The following SLC25A21 variants were observed in gnomAD, a reference collection of about 807,000 sequenced individuals.
SLC25A21 encodes solute carrier family 25 member 21.
A neutral mutation model predicts 43.8 loss-of-function variants in SLC25A21; 47 were observed. The ratio of observed to expected loss-of-function variants is 1.07; its 90% CI spans 0.85 to 1.37. The LOEUF is 1.37. SLC25A21 is among the 40% of genes most tolerant of loss of function. The pLI is 0.00. For synonymous variants in SLC25A21, 131 were observed against 121.3 expected (o/e 1.08, Z -0.52); for missense variants, 352 against 350.2 (o/e 1.00, Z -0.04).
intron 1 of SLC25A21, among the ~76,000 whole-genome samples, chr14:37,092,258 T>C (rs1425144291): frequency 6.6e-6 from 1 of 152,216 alleles, no homozygotes; most frequent in Non-Finnish European, 1.5e-5. Context: ...AATATGTTCC[T>C]TTTCTTTAGC....
chr14:36,766,444 C>T (rs897453097), intron 3 of SLC25A21, among the ~76,000 whole-genome samples: 10 of 152,172 alleles, frequency 6.6e-5, no homozygotes, highest in African/African-American at 2.4e-4. Context: ...TAATCCTGGT[C>T]AGATTTCTCT....
intron 1 of SLC25A21, among the ~76,000 whole-genome samples, chr14:36,995,189 T>C (rs1174991172): frequency 1.3e-5 from 2 of 152,184 alleles, no homozygotes; most frequent in African/African-American, 4.8e-5. Context: ...CTGGCAAATC[T>C]TAGGATCATC....
At chr14:37,049,764 A>C in intron 1 of SLC25A21, among the ~76,000 whole-genome samples, 1 of 152,348 alleles carries the variant, frequency 6.6e-6, no homozygotes, top group African/African-American at 2.4e-5. Context: ...TATTTTATTT[A>C]ATGTAATGTA....
In SLC25A21 at chr14:36,882,099, C is replaced by T. The variant is rs536566674; in HGVS notation, c.71-7095G>A. On this transcript the variant is annotated intron_variant, in intron 1 of 9. Coordinates refer to ENST00000331299, the MANE Select transcript of SLC25A21 (RefSeq NM_030631.4). ...CACATATATCAAGAATAGCATATAT[C>T]TGGCTGGGCATGGTGGCTCACACCT... Among the ~76,000 whole-genome samples the T allele has an allele frequency of 1.5e-4, 23 of 152,170 alleles. No individual in the cohort carries two copies. The South Asian group carries it at 4.6e-3, about 30-fold the overall frequency.
rs968146470 is a variant in SLC25A21, at chr14:36,790,026, T to C, written c.203+23892A>G. On this transcript the variant is annotated intron_variant, in intron 3 of 9. Coordinates refer to ENST00000331299, the MANE Select transcript of SLC25A21 (RefSeq NM_030631.4). ...GGAGAAGAGTACTTCAGCTAAATAGTTGATAAAAAGAGAAAGGTATGCATA... is the reference window on the plus strand; with the variant it reads ...GGAGAAGAGTACTTCAGCTAAATAGCTGATAAAAAGAGAAAGGTATGCATA... Among the ~76,000 whole-genome samples, 8 of 143,338 alleles carry C rather than the reference T, an allele frequency of 5.6e-5. No homozygotes were observed. The East Asian group carries it at 7.9e-4, about 14-fold the overall frequency. 94.0% of individuals were successfully genotyped at this position (143,338 alleles called of 152,430 possible).
chr14:36,846,364 A>T (rs1345169298), intron 2 of SLC25A21, among the ~76,000 whole-genome samples: 1 of 152,092 alleles, frequency 6.6e-6, no homozygotes, highest in Non-Finnish European at 1.5e-5. Context: ...CATCATTTCC[A>T]TTATTCAGAT....
intron 1 of SLC25A21, among the ~76,000 whole-genome samples, chr14:36,891,421 T>C (rs548387601): frequency 1.2e-4 from 19 of 152,300 alleles, no homozygotes; most frequent in African/African-American, 4.1e-4. Flanking sequence ...AGCTACCAGG[T>C]AATTTTTGAA....
intron 1 of SLC25A21, among the ~76,000 whole-genome samples, chr14:37,119,408 G>A (rs1963164504): frequency 6.6e-6 from 1 of 151,996 alleles, no homozygotes; most frequent in Non-Finnish European, 1.5e-5. Context: ...AATTATCCAG[G>A]CGTGGTGGTG....
At chr14:36,762,182 G>C (rs1386918115) in intron 3 of SLC25A21, among the ~76,000 whole-genome samples, 1 of 152,194 alleles carries the variant, frequency 6.6e-6, no homozygotes, top group Non-Finnish European at 1.5e-5. Context: ...TCAGAAAATT[G>C]TATCTCAACA....
chr14:36,811,288 AG>A (rs1293670135), intron 3 of SLC25A21, among the ~76,000 whole-genome samples: 2 of 152,230 alleles, frequency 1.3e-5, no homozygotes, highest in African/African-American at 4.8e-5. Context: ...TGAGTGGAAC[AG>A]AATAGGAAAT....
rs533035673 is a variant in SLC25A21, at chr14:36,897,429, C to T, written c.71-22425G>A. Reference sequence around the variant, plus strand: ...TCTCTGCATTGGTTATTCTAGTTAGCCATTCGTCTAATTTTTTTTCAAGGT... The same window carrying T: ...TCTCTGCATTGGTTATTCTAGTTAGTCATTCGTCTAATTTTTTTTCAAGGT... On this transcript the variant is annotated intron_variant, in intron 1 of 9. Coordinates refer to ENST00000331299, the MANE Select transcript of SLC25A21 (RefSeq NM_030631.4). 3.3e-5 allele frequency among the ~76,000 whole-genome samples: 5 copies of T among 152,176 alleles called. No individual in the cohort carries two copies. The South Asian group carries it at 1.0e-3, about 32-fold the overall frequency.
chr14:36,704,517 C>G (rs1037797316), intron 7 of SLC25A21, among the ~76,000 whole-genome samples: 8 of 151,870 alleles, frequency 5.3e-5, no homozygotes, highest in African/African-American at 1.9e-4. Context: ...ATTAGCTAGG[C>G]ATGTTGGTGC....
Position 36,988,993 on chromosome 14 carries a change from G to A in SLC25A21, c.71-113989C>T, listed in dbSNP as rs542031316. ...AGCAAAAAGACAAATCTCTTAGAAA[G>A]CAAAAATTAATTTTTTGAAAGCAAT... On this transcript the variant is annotated intron_variant, in intron 1 of 9. Coordinates refer to ENST00000331299, the MANE Select transcript of SLC25A21 (RefSeq NM_030631.4). Among the ~76,000 whole-genome samples the A allele has an allele frequency of 4.3e-4, 66 of 152,304 alleles. 1 individual carries two copies. Among genetic ancestry groups the A allele is most frequent in the Non-Finnish European group, 7.5e-4 (51 of 68,016 alleles).
chr14:36,737,388 A>G (rs1214745569), intron 3 of SLC25A21, among the ~76,000 whole-genome samples: 2 of 152,166 alleles, frequency 1.3e-5, no homozygotes, highest in Non-Finnish European at 1.5e-5. Flanking sequence ...TGTGTTGACG[A>G]TGCTTCATTG....
intron 7 of SLC25A21, among the ~76,000 whole-genome samples, chr14:36,696,420 C>T (rs2139161146): frequency 6.6e-6 from 1 of 152,292 alleles, no homozygotes; most frequent in South Asian, 2.1e-4. Context: ...ATGCTGGCCT[C>T]ATAAAATGCG....
At chr14:36,717,114 C>A (rs1884174942) in intron 6 of SLC25A21, among the ~76,000 whole-genome samples, 1 of 152,142 alleles carries the variant, frequency 6.6e-6, no homozygotes, top group Non-Finnish European at 1.5e-5. Flanking sequence ...GGAAAATATG[C>A]TTGTTCTTCA....
intron 2 of SLC25A21, among the ~76,000 whole-genome samples, chr14:36,836,130 C>A (rs1386357217): frequency 6.6e-6 from 1 of 152,160 alleles, no homozygotes; most frequent in Non-Finnish European, 1.5e-5. Flanking sequence ...GCCTGGTTAT[C>A]TAGGAAGTTA....
chr14:37,101,658 C>T (rs1045203385), intron 1 of SLC25A21, among the ~76,000 whole-genome samples: 1 of 151,982 alleles, frequency 6.6e-6, no homozygotes, highest in Non-Finnish European at 1.5e-5. Context: ...TGATGGTTTG[C>T]AAATATTTTT....
intron 1 of SLC25A21, among the ~76,000 whole-genome samples, chr14:37,141,723 GA>G (rs746590189): frequency 1.3e-5 from 2 of 152,102 alleles, no homozygotes; most frequent in Non-Finnish European, 2.9e-5. Flanking sequence ...CAAAATACCT[GA>G]AACAAAATAT....
Sources: gnomAD v4.1 joint callset for allele counts (sites outside exome capture counted in the v4.1 genomes callset) on GRCh38, gnomAD v4.1.1 for gene constraint, MANE v1.5 for transcripts, NCBI Gene and HGNC (gene_info 2026-07-23, HGNC 2026-07-21) for gene names.